CCKAR: variants seen among roughly 807,000 people sequenced by gnomAD.
The protein encoded by CCKAR is cholecystokinin receptor type A.
In CCKAR, 21 loss-of-function variants were observed where a neutral mutation model predicts 29.8. The observed-to-expected ratio is 0.70, with a 90% confidence interval of 0.50 to 1.01. The LOEUF is 1.01. CCKAR is among the 50% of genes least tolerant of loss of function. The pLI, the probability that CCKAR is intolerant of heterozygous loss-of-function variation, is 0.00. For synonymous variants in CCKAR, 238 were observed against 221.3 expected, an observed-to-expected ratio of 1.08 and a Z score of -0.67; for missense variants, 570 against 560.6, an observed-to-expected ratio of 1.02 and a Z score of -0.17.
Position 26,485,848 on chromosome 4 carries a change from T to C in CCKAR, c.415A>G (p.Arg139Gly). Residue 139 changes from arginine (R) to glycine (G), a missense_variant, in exon 3 of 5, where the codon AGA becomes GGA. Arg to Gly is a moderately radical substitution (Grantham distance 125). Transcript: ENST00000295589. ...TFNLVAISLE[R>G]YGAICKPLQS... ...AAGGGTTTGCAAATCGCACCATATC[T>C]CTCTAGAGATATGGCTACCAGATTA... The C allele has an allele frequency of 1.2e-6, 2 of 1,613,700 alleles. No individual in the cohort carries two copies. The highest frequency in any genetic ancestry group is 1.1e-5 in the South Asian group (1 of 91,032).
In CCKAR at chr4:26,490,357, T is replaced by A; in HGVS notation, c.-90A>T. On this transcript the variant is annotated 5_prime_UTR_variant, in exon 1 of 5. Coordinates refer to ENST00000295589, the MANE Select transcript of CCKAR (RefSeq NM_000730.3). ...TCTAATGACCGAAGCGTCTCGCAGA[T>A]GCAACCTGCCGTGGAGGAGCAGGGA... The A allele has an allele frequency of 1.2e-6, 1 of 839,496 alleles. No homozygotes were observed. The allele number at this position is 839,496 out of a possible 1,614,324, so 52.0% of individuals were successfully genotyped here. A position where few individuals can be genotyped will look rare whatever the true frequency, so the allele number is the denominator to read the frequency against.
chr4:26,485,930 G>A (rs1423023789), intron 2 of CCKAR, 32 bp from the exon 3 acceptor site: 1 of 1,598,920 alleles, frequency 6.3e-7, no homozygotes, highest in Non-Finnish European at 8.5e-7. Context: ...CGGTTATGTT[G>A]ACTCTGAAAT....
At position 26,481,906 on chromosome 4, in the gene CCKAR, G is replaced by C; in HGVS notation, c.1019C>G (p.Thr340Ser). The change falls in exon 5 of 5, where the codon ACC becomes AGC. Residue 340 changes from threonine to serine, a missense_variant. Thr to Ser is a moderately conservative substitution (Grantham distance 58, BLOSUM62 1). Coordinates refer to ENST00000295589, the MANE Select transcript of CCKAR (RefSeq NM_000730.3). Reference protein sequence around the residue: ...FSANAWRAYDTASAERRLSGT... With the variant: ...FSANAWRAYDSASAERRLSGT... ...TGAGAGGCGGCGCTCTGCGGAGGCG[G>C]TGTCGTAGGCCCGCCAGGCGTTGGC... 6.2e-7 allele frequency: 1 copy of C among 1,614,266 alleles called. No homozygotes were observed. Among genetic ancestry groups the C allele is most frequent in the Non-Finnish European group, 8.5e-7 (1 of 1,180,046 alleles).
intron 3 of CCKAR, among the ~76,000 whole-genome samples, chr4:26,484,818 G>T (rs971374665): frequency 2.1e-5 from 3 of 139,722 alleles, no homozygotes; most frequent in African/African-American, 8.8e-5. Flanking sequence ...AAGGCGGGAG[G>T]ATCACTTGAG....
Position 26,482,012 on chromosome 4 carries a change from G to A in CCKAR, c.913C>T (p.Leu305=), listed in dbSNP as rs1014222398. The stretch of plus-strand genomic sequence containing the variant: ...CGGATCACCCTTTTCTTGGCCATCA[G>A]GTTGGCTGCGGAGCTGTTACTCCGG... ...RIRSNSSAAN[L]MAKKRVIRML... Residue 305 remains leucine (L), a synonymous_variant, in exon 5 of 5, where the codon CTG becomes TTG. Coordinates refer to ENST00000295589, the MANE Select transcript of CCKAR (RefSeq NM_000730.3). The A allele has an allele frequency of 3.1e-6, 5 of 1,614,126 alleles. No homozygotes were observed. In the African/African-American group the frequency reaches 4.0e-5, roughly 13 times the overall value.
intron 2 of CCKAR, 94 bp downstream of exon 2, chr4:26,489,139 G>A: frequency 6.7e-7 from 1 of 1,495,288 alleles, no homozygotes; most frequent in East Asian, 2.3e-5. Context: ...CCCTCAGCAG[G>A]GCTCCTTTGC....
chr4:26,489,463 A>C lies in CCKAR; in HGVS notation c.134T>G (p.Ile45Ser), dbSNP rs764043023. ...CAGGAATATCAAGGAGTACAAGAGA[A>C]TCTGCACCGCTGGCTGCCACTCTGC... ...PSKEWQPAVQ[I>S]LLYSLIFLLS... The change falls in exon 2 of 5, where the codon ATT becomes AGT. Residue 45 changes from isoleucine to serine, a missense_variant. Physicochemically the swap from Ile to Ser is moderately radical, Grantham distance 142 (BLOSUM62 -2). Transcript: ENST00000295589. The C allele has an allele frequency of 6.2e-7, 1 of 1,613,814 alleles. No individual in the cohort carries two copies. The highest frequency in any genetic ancestry group is 1.7e-5 in the Admixed American group (1 of 60,018).
At chr4:26,485,156 T>A (rs1158924941) in intron 3 of CCKAR, among the ~76,000 whole-genome samples, 3 of 148,612 alleles carry the variant, frequency 2.0e-5, no homozygotes, top group East Asian at 4.0e-4. Flanking sequence ...GTCACACCAT[T>A]GCACTCCAGC....
intron 2 of CCKAR, among the ~76,000 whole-genome samples, chr4:26,487,710 C>T (rs899302244): frequency 1.3e-5 from 2 of 152,060 alleles, no homozygotes; most frequent in African/African-American, 4.8e-5. Context: ...ATAAAATTAA[C>T]CTCATTTCAA....
rs1737439122 is a variant in CCKAR at position 26,485,779 on chromosome 4, T to G, written c.484A>C (p.Ile162Leu). The G allele has an allele frequency of 6.2e-7, 1 of 1,613,952 alleles. No homozygotes were observed. The highest frequency in any genetic ancestry group is 1.3e-5 in the African/African-American group (1 of 74,894). The part of the protein sequence containing the change: ...WQTKSHALKV[I>L]AATWCLSFTI... ...AAGGAAAGGCACCAGGTAGCAGCAATCACCTTCAAAGCATGGGATTTTGTC... is the reference window on the plus strand; with the variant it reads ...AAGGAAAGGCACCAGGTAGCAGCAAGCACCTTCAAAGCATGGGATTTTGTC... The change falls in exon 3 of 5, where the codon ATT becomes CTT. Residue 162 changes from isoleucine to leucine, a missense_variant. Ile to Leu is a conservative substitution (Grantham distance 5). Coordinates refer to ENST00000295589, the MANE Select transcript of CCKAR (RefSeq NM_000730.3).
Sources: gnomAD v4.1 joint callset for allele counts (sites outside exome capture counted in the v4.1 genomes callset) on GRCh38, gnomAD v4.1.1 for gene constraint, MANE v1.5 for transcripts, NCBI Gene and HGNC (gene_info 2026-07-23, HGNC 2026-07-21) for gene names.